Variants in FGF1 observed in about 807,000 individuals in gnomAD.
The protein encoded by FGF1 is beta-endothelial cell growth factor.
A neutral mutation model predicts 13.4 loss-of-function variants in FGF1; 9 were observed. The observed-to-expected ratio is 0.67, with a 90% CI of 0.40 to 1.17. The LOEUF (loss-of-function observed/expected upper bound fraction) is 1.17. Ranked by LOEUF, FGF1 falls within the 50% of genes most tolerant of loss-of-function variation. The probability of loss-of-function intolerance (pLI) is 0.01; values close to 1 mark genes in which losing one functional copy is unlikely to be tolerated. For missense variants in FGF1, 156 were observed against 192.7 expected, an observed-to-expected ratio of 0.81 and a Z score of 1.13; for synonymous variants, 93 against 79.0, an observed-to-expected ratio of 1.18 and a Z score of -0.94.
chr5:142,680,861 A>C (rs1217324778), intron 1 of FGF1: 1 of 152,212 alleles, frequency 6.6e-6, no homozygotes, highest in Non-Finnish European at 1.5e-5. Context: ...TGTGGACCAA[A>C]GGCAACAGAA....
intron 1 of FGF1, among the ~76,000 whole-genome samples, chr5:142,668,408 C>T (rs1307126830): frequency 1.3e-5 from 2 of 152,168 alleles, no homozygotes; most frequent in East Asian, 1.9e-4. Context: ...TTTATGTGAC[C>T]GTGACTTGTC....
Position 142,666,435 on chromosome 5 carries a change from G to A in FGF1, c.-35+19522C>T, listed in dbSNP as rs114487813. On this transcript the variant is annotated intron_variant, in intron 1 of 3. Coordinates refer to ENST00000337706, the MANE Select transcript of FGF1 (RefSeq NM_000800.5). The stretch of plus-strand genomic sequence containing the variant: ...TGAAATCCAGCAGCAGTGTGGTGTC[G>A]TTGAGTCAGAGTCTAGAAAGCACAG... 6.2e-3 allele frequency among the ~76,000 whole-genome samples: 938 copies of A among 152,146 alleles called. 9 individuals are homozygous for A. The highest frequency in any genetic ancestry group is 0.021 in the African/African-American group (891 of 41,512).
chr5:142,685,480 T>A (rs1251343118), intron 1 of FGF1: 1 of 152,172 alleles, frequency 6.6e-6, no homozygotes, highest in Admixed American at 6.5e-5. Context: ...CACAGCACGA[T>A]AATGCTAGCC....
chr5:142,661,830 C>T (rs965732075), intron 1 of FGF1, among the ~76,000 whole-genome samples: 4 of 152,006 alleles, frequency 2.6e-5, no homozygotes, highest in East Asian at 1.9e-4. Context: ...GATGAAACCC[C>T]GTCTCTACTA....
chr5:142,658,959 C>T (rs948876327), intron 1 of FGF1, among the ~76,000 whole-genome samples: 119 of 152,004 alleles, frequency 7.8e-4, no homozygotes, highest in African/African-American at 2.6e-3. Context: ...GATAGGCAAG[C>T]GGAAGCATGC....
chr5:142,695,370 A>G (rs2152074288), intron 2 of FGF1, among the ~76,000 whole-genome samples: 2 of 152,134 alleles, frequency 1.3e-5, no homozygotes, highest in South Asian at 4.2e-4. Context: ...TGAGGTCAGG[A>G]GGTCAGTTCG....
chr5:142,653,761 T>C (rs2151980519), intron 1 of FGF1, among the ~76,000 whole-genome samples: 1 of 152,322 alleles, frequency 6.6e-6, no homozygotes, highest in African/African-American at 2.4e-5. Context: ...TCTGATTAAG[T>C]CAGGCTCTCC....
At chr5:142,613,800 C>T (rs1759597919) in intron 2 of FGF1, among the ~76,000 whole-genome samples, 159 bp downstream of exon 2, 1 of 152,216 alleles carries the variant, frequency 6.6e-6, no homozygotes, top group African/African-American at 2.4e-5. Flanking sequence ...TTTCTAAACC[C>T]AGACATTTTA....
At chr5:142,681,693 T>G (rs947191284) in intron 1 of FGF1, among the ~76,000 whole-genome samples, 1 of 152,124 alleles carries the variant, frequency 6.6e-6, no homozygotes, top group African/African-American at 2.4e-5. Flanking sequence ...ATACAGCCTA[T>G]CAGTGAGGAG....
intron 1 of FGF1, among the ~76,000 whole-genome samples, chr5:142,619,489 A>G (rs1022052619): frequency 6.6e-6 from 1 of 152,240 alleles, no homozygotes; most frequent in Non-Finnish European, 1.5e-5. Context: ...TAGAGATATT[A>G]ACTAAATTTT....
intron 1 of FGF1, among the ~76,000 whole-genome samples, chr5:142,655,151 A>G (rs1200564965): frequency 6.6e-6 from 1 of 152,232 alleles, no homozygotes; most frequent in East Asian, 1.9e-4. Context: ...TGAGAGGATT[A>G]ACTTGGTTCA....
intron 1 of FGF1, among the ~76,000 whole-genome samples, chr5:142,626,033 T>C (rs1221227894): frequency 6.6e-6 from 1 of 152,238 alleles, no homozygotes; most frequent in Non-Finnish European, 1.5e-5. Context: ...GACCTATCCG[T>C]AAATAATAAA....
chr5:142,627,876 G>T (rs1426661418), intron 1 of FGF1, among the ~76,000 whole-genome samples: 1 of 152,116 alleles, frequency 6.6e-6, no homozygotes, highest in Non-Finnish European at 1.5e-5. Flanking sequence ...AGCTCCCTTT[G>T]ATCCCACATA....
chr5:142,629,202 C>A (rs916897947), intron 1 of FGF1, among the ~76,000 whole-genome samples: 1 of 152,198 alleles, frequency 6.6e-6, no homozygotes, highest in African/African-American at 2.4e-5. Context: ...GTTCCCCAGG[C>A]TTTAGTGCAG....
At chr5:142,661,633 A>C (rs895751727) in intron 1 of FGF1, among the ~76,000 whole-genome samples, 1 of 152,212 alleles carries the variant, frequency 6.6e-6, no homozygotes, top group South Asian at 2.1e-4. Context: ...ATTCAACCAT[A>C]AAAAGGAATG....
At chr5:142,658,604 C>A (rs143223847) in intron 1 of FGF1, among the ~76,000 whole-genome samples, 2 of 152,272 alleles carry the variant, frequency 1.3e-5, no homozygotes, top group African/African-American at 4.8e-5. Context: ...GCTTCACAGG[C>A]AGCAGACACA....
chr5:142,634,770 C>T (rs549817287), intron 1 of FGF1, among the ~76,000 whole-genome samples: 2 of 152,310 alleles, frequency 1.3e-5, no homozygotes, highest in East Asian at 3.9e-4. Context: ...CTGGCTCCTA[C>T]ACTTTTGTGG....
At chr5:142,653,142 T>G (rs1767552643) in intron 1 of FGF1, among the ~76,000 whole-genome samples, 3 of 152,188 alleles carry the variant, frequency 2.0e-5, no homozygotes, top group Admixed American at 1.3e-4. Flanking sequence ...TGCTCATTTC[T>G]GTGGCCTCTG....
intron 1 of FGF1, among the ~76,000 whole-genome samples, chr5:142,666,299 C>T (rs1365559389): frequency 6.6e-6 from 1 of 151,656 alleles, no homozygotes; most frequent in Non-Finnish European, 1.5e-5. Context: ...CACACACACA[C>T]ACACACACAC....
Sources: gnomAD v4.1 joint callset for allele counts (sites outside exome capture counted in the v4.1 genomes callset) on GRCh38, gnomAD v4.1.1 for gene constraint, MANE v1.5 for transcripts, NCBI Gene and HGNC (gene_info 2026-07-23, HGNC 2026-07-21) for gene names.